The following GTF2H2 variants were observed in gnomAD, a reference collection of about 807,000 sequenced individuals.
GTF2H2 encodes the protein general transcription factor IIH subunit 2.
A neutral mutation model predicts 16.5 loss-of-function variants in GTF2H2; 2 were observed. That is an observed-to-expected ratio of 0.12 (90% confidence interval 0.05 to 0.38). The LOEUF (loss-of-function observed/expected upper bound fraction) is 0.38. Ranked by LOEUF, GTF2H2 falls within the 10% of genes least tolerant of loss-of-function variation. The pLI is 0.99. For synonymous variants in GTF2H2, 8 were observed against 44.1 expected (o/e 0.18, Z 3.24); for missense variants, 20 against 137.0 (o/e 0.15, Z 4.26).
Position 71,051,106 on chromosome 5 carries a change from C to A in GTF2H2, c.471-1948G>T, listed in dbSNP as rs1280960713. ...AAGTGATCCACCCGCCTCGGCCTCCCAATGTGCTGGGATTACAGGCATGAG... is the reference window on the plus strand; with the variant it reads ...AAGTGATCCACCCGCCTCGGCCTCCAAATGTGCTGGGATTACAGGCATGAG... On this transcript the variant is annotated intron_variant, in intron 8 of 15. Transcript: ENST00000274400. Among the ~76,000 whole-genome samples the A allele has an allele frequency of 1.3e-4, 18 of 142,850 alleles. 1 individual carries two copies. The highest frequency in any genetic ancestry group is 4.2e-4 in the African/African-American group (16 of 37,722). The allele number at this position is 142,850 out of a possible 152,430, so 93.7% of individuals were successfully genotyped here. A position where few individuals can be genotyped will look rare whatever the true frequency, so the allele number is the denominator to read the frequency against.
At chr5:71,054,448 C>T (rs1015248895) in intron 8 of GTF2H2, among the ~76,000 whole-genome samples, 1 of 145,408 alleles carries the variant, frequency 6.9e-6, no homozygotes, top group Non-Finnish European at 1.5e-5. Context: ...AATATATAAG[C>T]TTTAGGGAGG....
At chr5:71,051,259 A>G (rs1433206270) in intron 8 of GTF2H2, among the ~76,000 whole-genome samples, 1 of 89,476 alleles carries the variant, frequency 1.1e-5, no homozygotes, top group East Asian at 2.9e-4. Flanking sequence ...CAGCCTTATG[A>G]TATGTATTTC....
Position 71,054,297 on chromosome 5 carries a change from T to G in GTF2H2, c.470+1055A>C, listed in dbSNP as rs868509095. ...TCCTGCTTATATTTTCATTGTTATC[T>G]TCTCAGCTCTCACTGGTAGACCCTG... On this transcript the variant is annotated intron_variant, in intron 8 of 15. Coordinates refer to ENST00000274400, the Ensembl canonical transcript of GTF2H2. Among the ~76,000 whole-genome samples the G allele has an allele frequency of 8.7e-3, 1,278 of 146,310 alleles. 190 individuals carry two copies. The highest frequency in any genetic ancestry group is 0.032 in the African/African-American group (1,226 of 38,262).
At chr5:71,054,269 C>G (rs1210276691) in intron 8 of GTF2H2, among the ~76,000 whole-genome samples, 1 of 146,074 alleles carries the variant, frequency 6.8e-6, no homozygotes, top group African/African-American at 2.6e-5. Context: ...TTAGTTATAG[C>G]TTTCCTGCTT....
At chr5:71,054,490 T>C (rs1753024242) in intron 8 of GTF2H2, among the ~76,000 whole-genome samples, 1 of 142,634 alleles carries the variant, frequency 7.0e-6, no homozygotes, top group Admixed American at 7.0e-5. Context: ...AGGCCAGGAG[T>C]TCAAGACCAG....
intron 14 of GTF2H2, among the ~76,000 whole-genome samples, chr5:71,039,711 G>C (rs1011576321): frequency 4.6e-5 from 6 of 129,620 alleles, no homozygotes; most frequent in South Asian, 2.5e-4. Flanking sequence ...TATAGTACTG[G>C]GTTTTTCATT....
chr5:71,039,706 TA>T (rs1458522880), intron 14 of GTF2H2, among the ~76,000 whole-genome samples: 1 of 134,278 alleles, frequency 7.4e-6, no homozygotes, highest in African/African-American at 2.9e-5. Flanking sequence ...TCTTCTATAG[TA>T]CTGGGTTTTT....
In GTF2H2 at chr5:71,055,371, T is replaced by C; in HGVS notation, c.451A>G (p.Ile151Val). ...ACTAACTTTAGAGTCTGCATAGCTA[T>C]GCTTAGGGAATTATAAAGAGATGGC... The change falls in exon 8 of 16, where the codon ATA becomes GTA. Residue 151 changes from isoleucine (I) to valine (V), a missense_variant. By Grantham distance (29) the Ile-to-Val change is conservative. This residue lies in a region of GTF2H2 where 19 missense variants were observed against 58.8 expected (regional missense o/e 0.32). Transcript: ENST00000274400. 2.5e-6 allele frequency: 4 copies of C among 1,579,034 alleles called. 1 individual carries two copies. The highest frequency in any genetic ancestry group is 1.7e-6 in the Non-Finnish European group (2 of 1,158,630).
intron 8 of GTF2H2, among the ~76,000 whole-genome samples, chr5:71,052,268 T>A (rs1752795885): frequency 7.5e-6 from 1 of 133,246 alleles, no homozygotes. Flanking sequence ...CCTGGGTTCA[T>A]GCGATTCTCC....
chr5:71,037,974 C>CAAAAAAAAAAAA (rs1164937065), intron 14 of GTF2H2, among the ~76,000 whole-genome samples: 1 of 8,446 alleles, frequency 1.2e-4, no homozygotes, highest in African/African-American at 3.0e-4. Context: ...CTCTGACTCA[C>CAAAAAAAAAAAA]AAAAAAAAAA....
chr5:71,059,371 A>G (rs1206434098), intron 7 of GTF2H2: 1 of 89,110 alleles, frequency 1.1e-5, no homozygotes, highest in Admixed American at 1.5e-4. Flanking sequence ...GCCTGGCGAC[A>G]GAGCAAGACT....
chr5:71,061,405 T>C, intron 3 of GTF2H2, 97 bp from the exon 4 acceptor site: 3 of 1,080,266 alleles, frequency 2.8e-6, no homozygotes, highest in Non-Finnish European at 4.1e-6. Context: ...TGTTTTTCTT[T>C]TTTTCTAATT....
intron 8 of GTF2H2, chr5:71,055,059 C>T (rs1197853047): frequency 4.9e-6 from 1 of 202,700 alleles, no homozygotes; most frequent in Non-Finnish European, 9.6e-6. Context: ...AATTATTATA[C>T]TATATTAAAT....
chr5:71,037,974 C>CAA (rs1164937065), intron 14 of GTF2H2, among the ~76,000 whole-genome samples: 191 of 8,076 alleles, frequency 0.024, 6 homozygotes, highest in Non-Finnish European at 0.03. Flanking sequence ...CTCTGACTCA[C>CAA]AAAAAAAAAA....
chr5:71,050,417 G>T (rs1752618484), intron 8 of GTF2H2: 1 of 66,266 alleles, frequency 1.5e-5, no homozygotes. Context: ...TCCAGCCTGG[G>T]CGACAGAGCG....
intron 14 of GTF2H2, among the ~76,000 whole-genome samples, chr5:71,039,842 T>C (rs1266347806): frequency 1.0e-5 from 1 of 97,114 alleles, no homozygotes; most frequent in South Asian, 4.3e-4. Context: ...ATACCTAATG[T>C]TGGCTAAATG....
chr5:71,057,479 C>T (rs1391701992), intron 7 of GTF2H2, among the ~76,000 whole-genome samples: 1 of 138,420 alleles, frequency 7.2e-6, no homozygotes, highest in Non-Finnish European at 1.6e-5. Context: ...CTTGGAGCTC[C>T]CTTGAGTTTT....
chr5:71,061,395 T>C, intron 3 of GTF2H2, 87 bp from the exon 4 acceptor site: 1 of 1,173,088 alleles, frequency 8.5e-7, no homozygotes, highest in East Asian at 2.4e-5. Flanking sequence ...TGACCTCCTT[T>C]GTTTTTCTTT....
chr5:71,042,288 TA>T lies in GTF2H2; in HGVS notation c.822-5del, dbSNP rs1366338827. 4.0e-6 allele frequency: 2 copies of T among 500,562 alleles called. No homozygotes were observed. The highest frequency in any genetic ancestry group is 6.2e-5 in the African/African-American group (2 of 32,106). 31.0% of individuals were successfully genotyped at this position (500,562 alleles called of 1,614,324 possible). Reference sequence around the variant, plus strand: ...CTCAGTATTGCCATCCAAATGCCTGTAGGGGGAAAAAGGGTAATATATAATG... The same window carrying T: ...CTCAGTATTGCCATCCAAATGCCTGTGGGGGAAAAAGGGTAATATATAATG... On this transcript the variant is annotated splice_region_variant and splice_polypyrimidine_tract_variant and intron_variant, in intron 12 of 15. Transcript: ENST00000274400.
Sources: allele counts gnomAD v4.1 joint callset (sites outside exome capture counted in the v4.1 genomes callset), GRCh38; gene constraint gnomAD v4.1.1; regional missense constraint gnomAD v4.1.1; transcripts MANE v1.5; gene names NCBI Gene and HGNC (gene_info 2026-07-23, HGNC 2026-07-21).